BLTP1: variants seen among roughly 807,000 people sequenced by gnomAD.
The protein encoded by BLTP1 is bridge-like lipid transfer protein family member 1.
chr4:122,234,486 T>C, the BLTP1 span, among the ~76,000 whole-genome samples: 2 of 152,130 alleles, frequency 1.3e-5, no homozygotes, highest in Non-Finnish European at 2.9e-5. Flanking sequence ...TGTCTGATTT[T>C]TATATTTGCT....
chr4:122,174,083 C>G, the BLTP1 span: 1 of 457,300 alleles, frequency 2.2e-6, no homozygotes, highest in Non-Finnish European at 2.9e-6. Flanking sequence ...GCTTTGAAAG[C>G]CCTAAACCAG....
the BLTP1 span, among the ~76,000 whole-genome samples, chr4:122,318,502 C>T: frequency 1.3e-5 from 2 of 152,156 alleles, no homozygotes; most frequent in Admixed American, 6.5e-5. Context: ...CTGGGGAAGA[C>T]AATAGTCAAA....
the BLTP1 span, chr4:122,170,548 C>A: frequency 7.1e-7 from 1 of 1,404,272 alleles, no homozygotes; most frequent in Non-Finnish European, 9.3e-7. Context: ...CCCTTTTTTT[C>A]CCTTAATGAT....
chr4:122,206,012 A>G, the BLTP1 span: 4 of 984,568 alleles, frequency 4.1e-6, no homozygotes, highest in South Asian at 1.9e-4. Context: ...ATGTCTTTAA[A>G]GAGCTTTTAT....
the BLTP1 span, chr4:122,188,836 A>G: frequency 4.9e-5 from 23 of 468,884 alleles, no homozygotes; most frequent in Non-Finnish European, 1.4e-5. Flanking sequence ...GTGTGTAGGT[A>G]CCTTATGAGG....
the BLTP1 span, among the ~76,000 whole-genome samples, chr4:122,316,074 T>A: frequency 6.6e-6 from 1 of 152,158 alleles, no homozygotes; most frequent in African/African-American, 2.4e-5. Flanking sequence ...TTATGGTACG[T>A]GAGTTATATC....
the BLTP1 span, chr4:122,197,595 T>C: frequency 1.3e-4 from 38 of 291,660 alleles, no homozygotes; most frequent in Admixed American, 5.8e-4. Context: ...CTGTTTTTTT[T>C]CTTTAGTGTA....
At chr4:122,187,018 G>T in the BLTP1 span, 1 of 984,952 alleles carries the variant, frequency 1.0e-6, no homozygotes. Context: ...TTTCAGAAGT[G>T]CTTAAAACAG....
At chr4:122,349,348 T>G in the BLTP1 span, 1 of 1,596,212 alleles carries the variant, frequency 6.3e-7, no homozygotes. This position sits in a 1 kb window ranked among gnomAD's most constrained non-coding sequence, Gnocchi z 4.5. Context: ...ACCTAACATA[T>G]CCTTAAGATA....
chr4:122,275,587 C>A, the BLTP1 span, among the ~76,000 whole-genome samples: 1 of 152,048 alleles, frequency 6.6e-6, no homozygotes, highest in Non-Finnish European at 1.5e-5. Flanking sequence ...TTTGTTATCT[C>A]TTAAGAGAAG....
the BLTP1 span, among the ~76,000 whole-genome samples, chr4:122,164,775 T>G: frequency 6.6e-6 from 1 of 152,090 alleles, no homozygotes; most frequent in East Asian, 1.9e-4. Flanking sequence ...TTTTTTGCAT[T>G]AAAATATAAA....
At chr4:122,257,148 A>C in the BLTP1 span, 5 of 1,150,610 alleles carry the variant, frequency 4.3e-6, no homozygotes, top group East Asian at 7.1e-5. Context: ...TAATTTCTTT[A>C]TCTCTAAATG....
the BLTP1 span, among the ~76,000 whole-genome samples, chr4:122,194,997 AG>A: frequency 6.6e-6 from 1 of 152,238 alleles, no homozygotes; most frequent in Non-Finnish European, 1.5e-5. Flanking sequence ...CATGTTCAAA[AG>A]GTCTTATGCA....
chr4:122,299,618 A>G, the BLTP1 span, among the ~76,000 whole-genome samples: 1 of 152,316 alleles, frequency 6.6e-6, no homozygotes, highest in Admixed American at 6.5e-5. Context: ...AGGGAAATGA[A>G]AAGCATAATG....
the BLTP1 span, chr4:122,238,212 C>A: frequency 6.2e-7 from 1 of 1,613,928 alleles, no homozygotes; most frequent in East Asian, 2.2e-5. Context: ...TCATCCTCTT[C>A]CTCAGAAGAG....
chr4:122,157,149 C>T, the BLTP1 span, among the ~76,000 whole-genome samples: 4 of 152,282 alleles, frequency 2.6e-5, no homozygotes, highest in East Asian at 5.8e-4. Flanking sequence ...CAAAATTACC[C>T]TTCTCATACT....
At chr4:122,169,294 G>C in the BLTP1 span, among the ~76,000 whole-genome samples, 1 of 152,056 alleles carries the variant, frequency 6.6e-6, no homozygotes, top group East Asian at 1.9e-4. Flanking sequence ...GAGTTGTGGT[G>C]AATAAACAGA....
chr4:122,362,185 A>G, the BLTP1 span: 1 of 1,613,570 alleles, frequency 6.2e-7, no homozygotes, highest in Non-Finnish European at 8.5e-7. Flanking sequence ...TCTTATCAAA[A>G]AGCTCGGTAC....
At chr4:122,341,484 T>C in the BLTP1 span, among the ~76,000 whole-genome samples, 3 of 152,182 alleles carry the variant, frequency 2.0e-5, no homozygotes, top group Non-Finnish European at 2.9e-5. Context: ...CAAACTGTCA[T>C]AATGTCATAA....
Sources: allele counts gnomAD v4.1 joint callset (sites outside exome capture counted in the v4.1 genomes callset), GRCh38; gene constraint gnomAD v4.1.1; non-coding constraint Gnocchi (gnomAD v3.1); transcripts MANE v1.5; gene names NCBI Gene and HGNC (gene_info 2026-07-23, HGNC 2026-07-21).